The following SEMA5A variants were observed in gnomAD, a reference collection of about 807,000 sequenced individuals.
The protein encoded by SEMA5A is semaphorin 5A.
SEMA5A carries 55 observed loss-of-function variants against 135.5 expected under a neutral mutation model. The observed-to-expected ratio is 0.41, with a 90% CI of 0.33 to 0.51. The LOEUF (loss-of-function observed/expected upper bound fraction) is 0.51, where lower values mean the gene tolerates loss of function less well. Ranked by LOEUF, SEMA5A falls within the 20% of genes least tolerant of loss-of-function variation. The probability of loss-of-function intolerance (pLI) is 0.37; values close to 1 mark genes in which losing one functional copy is unlikely to be tolerated. For missense variants in SEMA5A, 1,290 were observed against 1,419.9 expected, an observed-to-expected ratio of 0.91 and a Z score of 1.47; for synonymous variants, 580 against 546.5, an observed-to-expected ratio of 1.06 and a Z score of -0.85.
chr5:9,291,312 C>T lies in SEMA5A; in HGVS notation c.270+27060G>A, dbSNP rs546141087. Reference sequence around the variant, plus strand: ...CCCCACAGGCTCTCCTGCATGCAACCTGCTGGTCATCCATCCACAACTGGA... The same window carrying T: ...CCCCACAGGCTCTCCTGCATGCAACTTGCTGGTCATCCATCCACAACTGGA... On this transcript the variant is annotated intron_variant, in intron 5 of 22. Transcript: ENST00000382496. Among the ~76,000 whole-genome samples, 3 of 152,324 alleles carry T rather than the reference C, an allele frequency of 2.0e-5. No homozygotes were observed. In the East Asian group the frequency reaches 5.8e-4, roughly 29 times the overall value.
chr5:9,308,246 T>A (rs1751964094), intron 5 of SEMA5A, among the ~76,000 whole-genome samples: 1 of 152,166 alleles, frequency 6.6e-6, no homozygotes, highest in Non-Finnish European at 1.5e-5. Context: ...TGATCCTGGT[T>A]CATAGCTTCC....
At chr5:9,432,989 G>T (rs952253441) in intron 2 of SEMA5A, among the ~76,000 whole-genome samples, 1 of 152,126 alleles carries the variant, frequency 6.6e-6, no homozygotes, top group African/African-American at 2.4e-5. Context: ...TCTCCCTAAC[G>T]AAGAATGAAT....
chr5:9,043,638 A>G (rs947069664), intron 22 of SEMA5A, among the ~76,000 whole-genome samples: 1 of 152,226 alleles, frequency 6.6e-6, no homozygotes, highest in Non-Finnish European at 1.5e-5. Flanking sequence ...AAGATGAAGG[A>G]GGGTGCCCAA....
chr5:9,442,037 C>A (rs1758257121), intron 1 of SEMA5A, among the ~76,000 whole-genome samples: 1 of 152,164 alleles, frequency 6.6e-6, no homozygotes, highest in Non-Finnish European at 1.5e-5. Context: ...AAGCCGCCAC[C>A]AGAGAACTCC....
At chr5:9,147,874 G>A (rs997990677) in intron 12 of SEMA5A, among the ~76,000 whole-genome samples, 1 of 152,180 alleles carries the variant, frequency 6.6e-6, no homozygotes, top group Admixed American at 6.5e-5. Flanking sequence ...AGCAGATAAG[G>A]GAGAGGCAGA....
intron 21 of SEMA5A, among the ~76,000 whole-genome samples, chr5:9,049,894 T>C (rs990479526): frequency 1.3e-5 from 2 of 152,246 alleles, no homozygotes; most frequent in Non-Finnish European, 2.9e-5. Flanking sequence ...TCTAGCACTA[T>C]AGGTATAACC....
chr5:9,384,675 TATAGATAGATAG>T (rs1358325341), intron 2 of SEMA5A, among the ~76,000 whole-genome samples: 9 of 64,168 alleles, frequency 1.4e-4, no homozygotes, highest in African/African-American at 4.2e-4. Context: ...GATAGATAGA[TATAGATAGATAG>T]ATAGATAGAT....
At chr5:9,378,263 C>A (rs145092250) in intron 3 of SEMA5A, among the ~76,000 whole-genome samples, 1 of 151,982 alleles carries the variant, frequency 6.6e-6, no homozygotes, top group African/African-American at 2.4e-5. Flanking sequence ...GCCTTTCCTG[C>A]ATAAGGTGTA....
intron 18 of SEMA5A, among the ~76,000 whole-genome samples, chr5:9,056,866 G>C (rs1460732351): frequency 6.6e-6 from 1 of 152,180 alleles, no homozygotes; most frequent in Non-Finnish European, 1.5e-5. Context: ...CAAAATTTCA[G>C]AACAACCTAA....
chr5:9,247,539 A>C (rs1805993), intron 5 of SEMA5A, among the ~76,000 whole-genome samples: 1,911 of 152,248 alleles, frequency 0.013, 41 homozygotes, highest in African/African-American at 0.044. Context: ...CCAGATTATG[A>C]ATGTTTCCTG....
chr5:9,183,056 T>G (rs1263631197), intron 11 of SEMA5A, among the ~76,000 whole-genome samples: 2 of 152,124 alleles, frequency 1.3e-5, no homozygotes, highest in African/African-American at 4.8e-5. Context: ...TTACTGTGGT[T>G]GCCTAGAAAA....
chr5:9,212,739 C>A (rs1746406580), intron 8 of SEMA5A, among the ~76,000 whole-genome samples: 1 of 152,164 alleles, frequency 6.6e-6, no homozygotes. Context: ...ACTCATTCAA[C>A]AAATATGGAT....
chr5:9,475,424 G>T (rs1013659603), intron 1 of SEMA5A, among the ~76,000 whole-genome samples: 1 of 152,158 alleles, frequency 6.6e-6, no homozygotes, highest in African/African-American at 2.4e-5. Context: ...TTAGTCATGG[G>T]TGTCTGTCAA....
chr5:9,271,995 T>C (rs1458745449), intron 5 of SEMA5A, among the ~76,000 whole-genome samples: 9 of 152,048 alleles, frequency 5.9e-5, no homozygotes, highest in African/African-American at 2.2e-4. Context: ...CAGTGGCACC[T>C]GGAGCACCAG....
rs114431765 is a variant in SEMA5A, at chr5:9,449,485, A to G, written c.-174-11633T>C. The stretch of plus-strand genomic sequence containing the variant: ...TGCTGGGCTTAATACCTAGGCGATG[A>G]GATGACCTGTGCAACAAACCACCAT... On this transcript the variant is annotated intron_variant, in intron 1 of 22. Coordinates refer to ENST00000382496, the MANE Select transcript of SEMA5A (RefSeq NM_003966.3). 9.5e-3 allele frequency among the ~76,000 whole-genome samples: 1,450 copies of G among 152,200 alleles called. 22 individuals carry two copies. Among genetic ancestry groups the G allele is most frequent in the African/African-American group, 0.033 (1,389 of 41,510 alleles).
Position 9,035,225 on chromosome 5 carries a change from C to A in SEMA5A, c.*7672G>T, listed in dbSNP as rs1735582973. ...GTTGGTAGGAAAGTGTGACTGCACA[C>A]TCAGCAGTGCTGAGGATAGATCTTC... On this transcript the variant is annotated 3_prime_UTR_variant, in exon 23 of 23. Coordinates refer to ENST00000382496, the MANE Select transcript of SEMA5A (RefSeq NM_003966.3). The A allele has an allele frequency of 6.6e-6, 1 of 152,194 alleles. No individual in the cohort carries two copies. Among genetic ancestry groups the A allele is most frequent in the Non-Finnish European group, 1.5e-5 (1 of 68,044 alleles). The allele number at this position is 152,194 out of a possible 1,614,324, so 9.4% of individuals were successfully genotyped here.
chr5:9,435,850 G>T lies in SEMA5A; in HGVS notation c.-78+1906C>A, dbSNP rs141716645. ...TGTTTTCTCACACTTTTTAGAAAACGTTCGCCAATTCTTGATTTAGATTAC... is the reference window on the plus strand; with the variant it reads ...TGTTTTCTCACACTTTTTAGAAAACTTTCGCCAATTCTTGATTTAGATTAC... On this transcript the variant is annotated intron_variant, in intron 2 of 22. Transcript: ENST00000382496. Among the ~76,000 whole-genome samples, 206 of 152,306 alleles carry T rather than the reference G, an allele frequency of 1.4e-3. 1 individual carries two copies. Among genetic ancestry groups the T allele is most frequent in the African/African-American group, 4.6e-3 (193 of 41,558 alleles).
intron 2 of SEMA5A, among the ~76,000 whole-genome samples, chr5:9,395,393 T>A (rs1037101327): frequency 6.6e-6 from 1 of 152,188 alleles, no homozygotes; most frequent in Non-Finnish European, 1.5e-5. Context: ...AAAAAAGTTA[T>A]GTTCAGAATG....
rs141249620 is a variant in SEMA5A, at chr5:9,062,765, C to T, written c.2518+122G>A. The T allele has an allele frequency of 9.4e-5, 95 of 1,009,646 alleles. No homozygotes were observed. The East Asian group carries it at 2.4e-3, about 25-fold the overall frequency. 62.5% of individuals were successfully genotyped at this position (1,009,646 alleles called of 1,614,324 possible). ...CATGAGCAACCACGCATAGCCAAGA[C>T]ATTTATTAAGAACACAGATCTCAAA... On this transcript the variant is annotated intron_variant, in intron 18 of 22. Transcript: ENST00000382496.
Sources: gnomAD v4.1 joint callset for allele counts (sites outside exome capture counted in the v4.1 genomes callset) on GRCh38, gnomAD v4.1.1 for gene constraint, MANE v1.5 for transcripts, NCBI Gene and HGNC (gene_info 2026-07-23, HGNC 2026-07-21) for gene names.